SUDS3: variants seen among roughly 807,000 people sequenced by gnomAD.
SUDS3 encodes SIN3A corepressor complex component SDS3, also known as sin3 histone deacetylase corepressor complex component SDS3.
A neutral mutation model predicts 53.5 loss-of-function variants in SUDS3; 23 were observed. The ratio of observed to expected loss-of-function variants is 0.43; its 90% CI spans 0.31 to 0.61. SUDS3 has a LOEUF of 0.61. Among genes scored for constraint, SUDS3 ranks in the 20% least tolerant of loss-of-function variants. The pLI, the probability that SUDS3 is intolerant of heterozygous loss-of-function variation, is 0.10. For missense variants in SUDS3, 291 were observed against 405.9 expected (o/e 0.72, Z 2.43); for synonymous variants, 150 against 148.5 (o/e 1.01, Z -0.08).
chr12:118,403,413 A>G lies in SUDS3; in HGVS notation c.699A>G (p.Ala233=). 1 of 1,613,082 alleles carries G rather than the reference A, an allele frequency of 6.2e-7. No individual in the cohort carries two copies. Among genetic ancestry groups the G allele is most frequent in the Non-Finnish European group, 8.5e-7 (1 of 1,179,498 alleles). Residue 233 remains alanine (A), a splice_region_variant and synonymous_variant, in exon 10 of 12, where the codon GCA becomes GCG. Coordinates refer to ENST00000543473, the MANE Select transcript of SUDS3 (RefSeq NM_022491.3). ...LNKLKSPKRP[A]SPSSPEHLPA... ...CACGTAAGTATTGGTTTCCTCCAGC[A>G]TCTCCATCCTCTCCTGAGCACTTGC...
chr12:118,402,042 TA>T, intron 9 of SUDS3, 38 bp downstream of exon 9: 1 of 1,612,756 alleles, frequency 6.2e-7, no homozygotes, highest in Non-Finnish European at 8.5e-7. Context: ...GCAACCTTTT[TA>T]TCATGTTGTT....
chr12:118,381,133 T>G (rs1476149673), intron 2 of SUDS3, among the ~76,000 whole-genome samples: 1 of 152,190 alleles, frequency 6.6e-6, no homozygotes, highest in Non-Finnish European at 1.5e-5. Flanking sequence ...GCCGGAGGCC[T>G]GGAGAGCTCA....
At chr12:118,405,207 CA>C (rs1242805211) in intron 10 of SUDS3, among the ~76,000 whole-genome samples, 3 of 152,338 alleles carry the variant, frequency 2.0e-5, no homozygotes, top group East Asian at 1.9e-4. Context: ...CAAGCCCACA[CA>C]TAAGAACCAT....
chr12:118,385,503 T>TC (rs1384703961), intron 3 of SUDS3, among the ~76,000 whole-genome samples: 2 of 152,268 alleles, frequency 1.3e-5, no homozygotes, highest in South Asian at 2.1e-4. Context: ...AGGAAACACT[T>TC]CCCCCCACAA....
chr12:118,411,780 C>T (rs181532931), intron 11 of SUDS3, among the ~76,000 whole-genome samples: 6 of 152,268 alleles, frequency 3.9e-5, no homozygotes, highest in East Asian at 3.9e-4. Context: ...GGATTACAGG[C>T]GTGAGCCACC....
intron 3 of SUDS3, 81 bp downstream of exon 3, chr12:118,384,148 C>A: frequency 1.4e-6 from 2 of 1,403,512 alleles, no homozygotes; most frequent in South Asian, 1.2e-5. Context: ...TTTCACTTCT[C>A]TGTGGGAGTT....
rs780356484 is a variant in SUDS3 at position 118,411,205 on chromosome 12, GAAGTGTTGGT to G, written c.888+50_888+59del. On this transcript the variant is annotated intron_variant, in intron 11 of 11. Coordinates refer to ENST00000543473, the MANE Select transcript of SUDS3 (RefSeq NM_022491.3). ...TTTAGGGAAGCAAAATGTGTACTGC[GAAGTGTTGGT>G]AGGGCAAACCTGAAATGAAAGTGCC... 2.0e-6 allele frequency: 3 copies of G among 1,526,366 alleles called. No homozygotes were observed. The South Asian group carries it at 3.6e-5, about 18-fold the overall frequency. 94.6% of individuals were successfully genotyped at this position (1,526,366 alleles called of 1,614,324 possible).
intron 6 of SUDS3, among the ~76,000 whole-genome samples, chr12:118,398,697 C>T (rs2046237957): frequency 6.7e-6 from 1 of 150,048 alleles, no homozygotes; most frequent in African/African-American, 2.5e-5. Flanking sequence ...GTAGAATTCC[C>T]TGAAGCTGCC....
chr12:118,399,066 G>A (rs1280737178), intron 6 of SUDS3, among the ~76,000 whole-genome samples: 1 of 152,222 alleles, frequency 6.6e-6, no homozygotes, highest in Non-Finnish European at 1.5e-5. Context: ...GCAAAGGCTT[G>A]AAGGCGTAAA....
At chr12:118,380,282 T>C in intron 2 of SUDS3, 51 bp downstream of exon 2, 3 of 1,475,692 alleles carry the variant, frequency 2.0e-6, no homozygotes, top group Non-Finnish European at 2.8e-6. Context: ...GACAACATCT[T>C]TATATAGATT....
intron 5 of SUDS3, 25 bp from the exon 6 acceptor site, chr12:118,391,101 C>T (rs1216177438): frequency 2.5e-6 from 4 of 1,611,370 alleles, no homozygotes; most frequent in Admixed American, 1.7e-5. Context: ...TGTGTACTCC[C>T]AGCCCGTGTT....
chr12:118,403,121 C>T (rs1237086162), intron 9 of SUDS3, among the ~76,000 whole-genome samples: 1 of 152,150 alleles, frequency 6.6e-6, no homozygotes, highest in Non-Finnish European at 1.5e-5. Flanking sequence ...GGGCTTTAGT[C>T]CTACTCTAAG....
chr12:118,378,475 A>G (rs1037284952), intron 1 of SUDS3, among the ~76,000 whole-genome samples: 1 of 151,406 alleles, frequency 6.6e-6, no homozygotes, highest in African/African-American at 2.4e-5. Context: ...TGGATATTGT[A>G]AGTAATCTTT....
chr12:118,414,237 TC>T (rs1457232881), intron 11 of SUDS3, 97 bp from the exon 12 acceptor site: 2 of 864,228 alleles, frequency 2.3e-6, no homozygotes, highest in Admixed American at 5.2e-5. Flanking sequence ...CTACCAGCCT[TC>T]TGCTTGCATC....
rs1421450444 is a variant in SUDS3 at position 118,417,301 on chromosome 12, C to T, written c.*2868C>T. The T allele has an allele frequency of 1.3e-5, 2 of 152,090 alleles. No individual in the cohort carries two copies. Among genetic ancestry groups the T allele is most frequent in the Non-Finnish European group, 2.9e-5 (2 of 68,032 alleles). 9.4% of individuals were successfully genotyped at this position (152,090 alleles called of 1,614,324 possible). On this transcript the variant is annotated 3_prime_UTR_variant, in exon 12 of 12. Transcript: ENST00000543473. ...AAGCTACATGTATTTGTGTATAAGA[C>T]CCTGTGTTCAGGACTGGGTGACTTT...
chr12:118,410,559 ATTTATTTATTTATTTATTTAT>A lies in SUDS3; in HGVS notation c.804-490_804-470del, dbSNP rs1222411353. On this transcript the variant is annotated intron_variant, in intron 10 of 11. Transcript: ENST00000543473. The stretch of plus-strand genomic sequence containing the variant: ...TTCTAACCTAAGGATGGAAGCCTTT[ATTTATTTATTTATTTATTTAT>A]TTTATTTATTTATTTATTTATTTAT... 5.1e-4 allele frequency among the ~76,000 whole-genome samples: 67 copies of A among 130,930 alleles called. No individual in the cohort carries two copies. In the East Asian group the frequency reaches 6.3e-3, roughly 12 times the overall value. The allele number at this position is 130,930 out of a possible 152,430, so 85.9% of individuals were successfully genotyped here.
chr12:118,383,822 T>G (rs904655314), intron 2 of SUDS3, among the ~76,000 whole-genome samples, 190 bp from the exon 3 acceptor site: 2 of 152,236 alleles, frequency 1.3e-5, no homozygotes, highest in African/African-American at 4.8e-5. Flanking sequence ...ACAGGGTTCT[T>G]TCTTGTTCCT....
At chr12:118,380,375 T>C (rs990995043) in intron 2 of SUDS3, 144 bp downstream of exon 2, 5 of 693,052 alleles carry the variant, frequency 7.2e-6, no homozygotes, top group African/African-American at 1.8e-5. Context: ...GAAATGCTCA[T>C]TGCACTATTT....
intron 6 of SUDS3, among the ~76,000 whole-genome samples, chr12:118,397,790 T>C (rs2046229168): frequency 6.6e-6 from 1 of 152,268 alleles, no homozygotes; most frequent in East Asian, 1.9e-4. Context: ...GATACAGTTA[T>C]GATTTTCAGA....
Sources: gnomAD v4.1 joint callset for allele counts (sites outside exome capture counted in the v4.1 genomes callset) on GRCh38, gnomAD v4.1.1 for gene constraint, MANE v1.5 for transcripts, NCBI Gene and HGNC (gene_info 2026-07-23, HGNC 2026-07-21) for gene names.